Variants in TRAPPC9 observed in about 807,000 individuals in gnomAD.
TRAPPC9 encodes IKK2 binding protein.
A neutral mutation model predicts 124.0 loss-of-function variants in TRAPPC9; 83 were observed. The ratio of observed to expected loss-of-function variants is 0.67; its 90% CI spans 0.56 to 0.80. The LOEUF is 0.80. TRAPPC9 is among the 30% of genes least tolerant of loss of function. The probability of loss-of-function intolerance (pLI) is 0.00; values close to 1 mark genes in which losing one functional copy is unlikely to be tolerated. For synonymous variants in TRAPPC9, 638 were observed against 617.5 expected, an observed-to-expected ratio of 1.03 and a Z score of -0.49; for missense variants, 1,302 against 1,508.3, an observed-to-expected ratio of 0.86 and a Z score of 2.27.
chr8:140,081,349 T>A lies in TRAPPC9; in HGVS notation c.2557-57270A>T, dbSNP rs1031855653. ...AAGGTGAAGAATAAAATGAATGCTT[T>A]TTTTTTTTTTTTTTGAGACAGAGTC... On this transcript the variant is annotated intron_variant, in intron 17 of 22. Transcript: ENST00000438773. Among the ~76,000 whole-genome samples the A allele has an allele frequency of 2.5e-3, 370 of 150,326 alleles. 5 individuals carry two copies. The highest frequency in any genetic ancestry group is 8.7e-3 in the African/African-American group (359 of 41,142).
chr8:139,964,474 C>T (rs975880500), intron 19 of TRAPPC9, among the ~76,000 whole-genome samples: 2 of 152,044 alleles, frequency 1.3e-5, no homozygotes, highest in Non-Finnish European at 2.9e-5. Flanking sequence ...TCTAAGAAGC[C>T]GAAAGCCAAG....
In TRAPPC9 at chr8:140,451,919, G is replaced by C. The variant is rs1168159006; in HGVS notation, c.-10-536C>G. 2.6e-5 allele frequency among the ~76,000 whole-genome samples: 4 copies of C among 152,038 alleles called. No homozygotes were observed. In the East Asian group the frequency reaches 7.7e-4, roughly 29 times the overall value. ...GCGGATCACTTGAGGTCAGGAATTC[G>C]AGACCAGCCTGGCCAACATGGTGAA... On this transcript the variant is annotated intron_variant, in intron 1 of 22. Coordinates refer to ENST00000438773, the MANE Select transcript of TRAPPC9 (RefSeq NM_001160372.4).
chr8:140,395,662 A>G (rs1235780651), intron 7 of TRAPPC9, among the ~76,000 whole-genome samples: 6 of 152,236 alleles, frequency 3.9e-5, no homozygotes, highest in African/African-American at 7.2e-5. Context: ...ACATTTCAAC[A>G]TATTAAATCT....
At chr8:140,001,403 TAAA>T (rs386414215) in intron 18 of TRAPPC9, among the ~76,000 whole-genome samples, 1 of 136,650 alleles carries the variant, frequency 7.3e-6, no homozygotes, top group African/African-American at 2.6e-5. Flanking sequence ...ATAATAATAA[TAAA>T]AAGAAACCGG....
At chr8:140,290,705 G>C (rs537862589) in intron 12 of TRAPPC9, among the ~76,000 whole-genome samples, 3 of 152,228 alleles carry the variant, frequency 2.0e-5, no homozygotes. Flanking sequence ...CACATCTCAC[G>C]TAAGCTTCGA....
At chr8:139,737,884 G>A (rs566622676) in intron 21 of TRAPPC9, among the ~76,000 whole-genome samples, 2 of 152,310 alleles carry the variant, frequency 1.3e-5, no homozygotes, top group South Asian at 2.1e-4. Context: ...GGATCTGCAG[G>A]AGCAGCGGAG....
intron 17 of TRAPPC9, among the ~76,000 whole-genome samples, chr8:140,177,648 C>T (rs1166255498): frequency 2.6e-5 from 4 of 152,150 alleles, no homozygotes; most frequent in East Asian, 3.9e-4. Context: ...GCTGGAATTT[C>T]GATTACACCT....
chr8:140,271,370 C>T (rs531371988), intron 15 of TRAPPC9, among the ~76,000 whole-genome samples: 2 of 152,260 alleles, frequency 1.3e-5, no homozygotes, highest in Admixed American at 6.5e-5. Context: ...AAATGAACCA[C>T]ATTAAAGTTA....
At chr8:140,245,929 A>G (rs1234921015) in intron 16 of TRAPPC9, among the ~76,000 whole-genome samples, 1 of 152,234 alleles carries the variant, frequency 6.6e-6, no homozygotes, top group Non-Finnish European at 1.5e-5. Context: ...AAATGATGAT[A>G]TCCGAATTCT....
chr8:140,075,549 C>T (rs1352199934), intron 17 of TRAPPC9, among the ~76,000 whole-genome samples: 2 of 152,224 alleles, frequency 1.3e-5, no homozygotes, highest in Non-Finnish European at 2.9e-5. Context: ...ATGGAACTGC[C>T]TTCGCTGCCG....
intron 17 of TRAPPC9, among the ~76,000 whole-genome samples, chr8:140,157,347 G>A (rs71513615): frequency 0.015 from 558 of 37,824 alleles, 50 homozygotes; most frequent in African/African-American, 0.036. Context: ...TTTCCATTCA[G>A]AAGCCTCCCT....
chr8:140,219,197 G>C (rs1251313816), intron 17 of TRAPPC9, among the ~76,000 whole-genome samples: 1 of 152,098 alleles, frequency 6.6e-6, no homozygotes, highest in Non-Finnish European at 1.5e-5. Context: ...GAAAGGAAGG[G>C]GAGAAGGAAA....
chr8:140,249,244 A>G (rs2064066713), intron 16 of TRAPPC9, among the ~76,000 whole-genome samples: 1 of 152,120 alleles, frequency 6.6e-6, no homozygotes, highest in South Asian at 2.1e-4. Flanking sequence ...TGAGGACTCA[A>G]TGCATACCTC....
chr8:140,234,749 C>T (rs2063690443), intron 16 of TRAPPC9, among the ~76,000 whole-genome samples: 1 of 152,176 alleles, frequency 6.6e-6, no homozygotes, highest in African/African-American at 2.4e-5. Context: ...GCTCTCTATT[C>T]AACAAATACT....
At chr8:140,321,921 A>G (rs1466459272) in intron 9 of TRAPPC9, among the ~76,000 whole-genome samples, 3 of 152,346 alleles carry the variant, frequency 2.0e-5, no homozygotes, top group East Asian at 3.9e-4. Flanking sequence ...TTCTCCAAGC[A>G]CAAAGCAGAG....
Position 140,444,867 on chromosome 8 carries a change from G to GAAAAAAAAAAAAA in TRAPPC9, c.585-5683_585-5671dup, listed in dbSNP as rs71320363. Among the ~76,000 whole-genome samples, 31 of 113,948 alleles carry GAAAAAAAAAAAAA rather than the reference G, an allele frequency of 2.7e-4. 1 individual carries two copies. Among genetic ancestry groups the GAAAAAAAAAAAAA allele is most frequent in the Admixed American group, 7.0e-4 (8 of 11,384 alleles). 74.8% of individuals were successfully genotyped at this position (113,948 alleles called of 152,430 possible). The stretch of plus-strand genomic sequence containing the variant: ...AACAAGAGTGAAACTCCAATCTCAG[G>GAAAAAAAAAAAAA]AAAAAAAAAAAAAACAGGATCTGGG... On this transcript the variant is annotated intron_variant, in intron 2 of 22. Coordinates refer to ENST00000438773, the MANE Select transcript of TRAPPC9 (RefSeq NM_001160372.4).
At chr8:140,258,100 A>G (rs539831370) in intron 15 of TRAPPC9, among the ~76,000 whole-genome samples, 8 of 152,360 alleles carry the variant, frequency 5.3e-5, no homozygotes, top group South Asian at 4.1e-4. Flanking sequence ...ACTAGACACA[A>G]GACAACAAAG....
At chr8:140,289,077 G>A (rs191116470) in intron 12 of TRAPPC9, among the ~76,000 whole-genome samples, 4 of 152,320 alleles carry the variant, frequency 2.6e-5, no homozygotes, top group Admixed American at 1.3e-4. Flanking sequence ...GAGGGTCCCC[G>A]TGAACAGGGC....
chr8:140,284,284 G>A (rs2065421999), intron 13 of TRAPPC9, among the ~76,000 whole-genome samples: 2 of 152,194 alleles, frequency 1.3e-5, no homozygotes, highest in South Asian at 4.1e-4. Flanking sequence ...ATATGTGAAG[G>A]TCCTTGTAAA....
Sources: allele counts gnomAD v4.1 joint callset (sites outside exome capture counted in the v4.1 genomes callset), GRCh38; gene constraint gnomAD v4.1.1; transcripts MANE v1.5; gene names NCBI Gene and HGNC (gene_info 2026-07-23, HGNC 2026-07-21).